CSMD1: variants seen among roughly 807,000 people sequenced by gnomAD.
CSMD1 encodes CUB and Sushi multiple domains 1, also known as CUB and sushi domain-containing protein 1.
Under a neutral mutation model 417.5 loss-of-function variants are expected in CSMD1, and 213 were observed. That is an observed-to-expected ratio of 0.51 (90% confidence interval 0.46 to 0.57). The LOEUF (loss-of-function observed/expected upper bound fraction) is 0.57, where lower values mean the gene tolerates loss of function less well. Ranked by LOEUF, CSMD1 falls within the 20% of genes least tolerant of loss-of-function variation. The probability of loss-of-function intolerance (pLI) is 0.00; values close to 1 mark genes in which losing one functional copy is unlikely to be tolerated. For missense variants in CSMD1, 6,923 were observed against 4,529.7 expected (o/e 1.53, Z -15.17); for synonymous variants, 2,862 against 1,736.8 (o/e 1.65, Z -16.11).
chr8:3,139,820 A>T (rs962665686), intron 41 of CSMD1, among the ~76,000 whole-genome samples: 1 of 152,158 alleles, frequency 6.6e-6, no homozygotes, highest in African/African-American at 2.4e-5. Context: ...TCTCTAAATA[A>T]TGTCTCTGAA....
chr8:4,516,432 T>C (rs889045110), intron 2 of CSMD1, among the ~76,000 whole-genome samples: 1 of 152,166 alleles, frequency 6.6e-6, no homozygotes, highest in Non-Finnish European at 1.5e-5. Context: ...ATGGAAGGCC[T>C]CTGCCCCAGA....
chr8:4,890,790 A>C (rs952065266), intron 1 of CSMD1, among the ~76,000 whole-genome samples: 1 of 152,162 alleles, frequency 6.6e-6, no homozygotes, highest in Non-Finnish European at 1.5e-5. Context: ...CACCGACCTA[A>C]TACATTCCGG....
rs532687504 is a variant in CSMD1, at chr8:3,106,216, T to C, written c.6949+312A>G. Among the ~76,000 whole-genome samples, 6 of 96,174 alleles carry C rather than the reference T, an allele frequency of 6.2e-5. No individual in the cohort carries two copies. The South Asian group carries it at 2.2e-3, about 36-fold the overall frequency. The allele number at this position is 96,174 out of a possible 152,430, so 63.1% of individuals were successfully genotyped here. ...GCCTGGGTAACATGTTGAAAACCCATTTCTACAAAAAAAAAAAAAAAAATC... is the reference window on the plus strand; with the variant it reads ...GCCTGGGTAACATGTTGAAAACCCACTTCTACAAAAAAAAAAAAAAAAATC... On this transcript the variant is annotated intron_variant, in intron 46 of 69. Transcript: ENST00000635120.
intron 1 of CSMD1, among the ~76,000 whole-genome samples, chr8:4,803,572 G>A (rs983876937): frequency 1.3e-5 from 2 of 152,102 alleles, no homozygotes; most frequent in African/African-American, 2.4e-5. Flanking sequence ...TTATAAAATC[G>A]AAAGCCAGGA....
chr8:3,946,803 A>C (rs1016753599), intron 5 of CSMD1, among the ~76,000 whole-genome samples: 9 of 152,146 alleles, frequency 5.9e-5, no homozygotes, highest in African/African-American at 2.2e-4. Flanking sequence ...ATTTATTACT[A>C]AATCTGTCAT....
intron 1 of CSMD1, among the ~76,000 whole-genome samples, chr8:4,895,670 G>C (rs1804436309): frequency 6.6e-6 from 1 of 151,492 alleles, no homozygotes; most frequent in African/African-American, 2.4e-5. Context: ...TTTCCAAATT[G>C]CTATCCACCT....
chr8:3,303,967 G>C (rs967710455), intron 25 of CSMD1, among the ~76,000 whole-genome samples: 3 of 151,332 alleles, frequency 2.0e-5, no homozygotes, highest in Admixed American at 6.6e-5. Flanking sequence ...AACTATTTTG[G>C]GGTATTCGAT....
intron 25 of CSMD1, among the ~76,000 whole-genome samples, chr8:3,297,247 T>A (rs1409046769): frequency 1.3e-5 from 2 of 152,162 alleles, no homozygotes; most frequent in Non-Finnish European, 2.9e-5. Context: ...ATGTCAGTTT[T>A]CCCCAGAATG....
chr8:4,117,159 C>G (rs749962615), intron 3 of CSMD1, among the ~76,000 whole-genome samples: 1 of 151,864 alleles, frequency 6.6e-6, no homozygotes, highest in South Asian at 2.1e-4. Flanking sequence ...GACACGTCCT[C>G]GAATTATCTG....
rs1055601317 is a variant in CSMD1, at chr8:3,235,175, T to G, written c.4154-4944A>C. Reference sequence around the variant, plus strand: ...TGTAAATATCGCAACATTTATACAATGAAATGAATGTTATATAATAGTACA... The same window carrying G: ...TGTAAATATCGCAACATTTATACAAGGAAATGAATGTTATATAATAGTACA... On this transcript the variant is annotated intron_variant, in intron 26 of 69. Coordinates refer to ENST00000635120, the MANE Select transcript of CSMD1 (RefSeq NM_033225.6). Among the ~76,000 whole-genome samples the G allele has an allele frequency of 3.3e-5, 5 of 152,198 alleles. No individual in the cohort carries two copies. The South Asian group carries it at 6.2e-4, about 19-fold the overall frequency.
chr8:4,191,553 G>A (rs548234915), intron 3 of CSMD1, among the ~76,000 whole-genome samples: 8 of 152,114 alleles, frequency 5.3e-5, no homozygotes, highest in Non-Finnish European at 8.8e-5. Context: ...AACTACAACT[G>A]AAAATGCTTG....
chr8:3,739,400 A>T lies in CSMD1; in HGVS notation c.931+14530T>A, dbSNP rs1176922888. 2.0e-5 allele frequency among the ~76,000 whole-genome samples: 3 copies of T among 152,238 alleles called. No homozygotes were observed. In the East Asian group the frequency reaches 5.8e-4, roughly 29 times the overall value. The stretch of plus-strand genomic sequence containing the variant: ...CGTTTACAAATAGTTAGAAGACAGG[A>T]TTTAGAATGTTCCCAACACAGAGAA... On this transcript the variant is annotated intron_variant, in intron 6 of 69. Coordinates refer to ENST00000635120, the MANE Select transcript of CSMD1 (RefSeq NM_033225.6).
chr8:4,721,559 T>C (rs954251587), intron 1 of CSMD1, among the ~76,000 whole-genome samples: 6 of 152,132 alleles, frequency 3.9e-5, no homozygotes, highest in African/African-American at 1.2e-4. Flanking sequence ...CAATGAAAGA[T>C]AAATGTTGAC....
intron 3 of CSMD1, among the ~76,000 whole-genome samples, chr8:4,179,415 A>T (rs1798231525): frequency 6.6e-6 from 1 of 152,104 alleles, no homozygotes; most frequent in Non-Finnish European, 1.5e-5. Flanking sequence ...TACACCCTAT[A>T]CAAAAATCAA....
chr8:3,339,064 C>T (rs1425143150), intron 23 of CSMD1, among the ~76,000 whole-genome samples: 3 of 148,534 alleles, frequency 2.0e-5, no homozygotes, highest in Non-Finnish European at 4.4e-5. Flanking sequence ...CAATTCCCAC[C>T]TATGAGTGAG....
intron 1 of CSMD1, among the ~76,000 whole-genome samples, chr8:4,827,427 A>G (rs1230657420): frequency 6.6e-6 from 1 of 152,176 alleles, no homozygotes; most frequent in Non-Finnish European, 1.5e-5. Context: ...GAAAAGCTCG[A>G]CAGAAACTCT....
intron 1 of CSMD1, among the ~76,000 whole-genome samples, chr8:4,942,669 C>T (rs887359710): frequency 6.6e-6 from 1 of 152,152 alleles, no homozygotes; most frequent in Non-Finnish European, 1.5e-5. Flanking sequence ...ACATGTGAGT[C>T]ACCGCATATC....
intron 1 of CSMD1, among the ~76,000 whole-genome samples, chr8:4,780,430 T>TGTCG (rs1797094565): frequency 6.6e-6 from 1 of 152,212 alleles, no homozygotes; most frequent in Admixed American, 6.5e-5. Flanking sequence ...TCTGTCTGTC[T>TGTCG]GTCTGTCTAC....
chr8:3,345,003 A>C (rs372391721), intron 22 of CSMD1, among the ~76,000 whole-genome samples: 1 of 152,192 alleles, frequency 6.6e-6, no homozygotes, highest in South Asian at 2.1e-4. Context: ...AAATGGTTTT[A>C]ATTCCAGAGG....
Sources: gnomAD v4.1 joint callset for allele counts (sites outside exome capture counted in the v4.1 genomes callset) on GRCh38, gnomAD v4.1.1 for gene constraint, MANE v1.5 for transcripts, NCBI Gene and HGNC (gene_info 2026-07-23, HGNC 2026-07-21) for gene names.